Variants in CCDC78 observed in about 807,000 individuals in gnomAD.
CCDC78 encodes the protein coiled-coil domain containing 78, also known as coiled-coil domain-containing protein 78.
A neutral mutation model predicts 61.9 loss-of-function variants in CCDC78; 78 were observed. The ratio of observed to expected loss-of-function variants is 1.26; its 90% CI spans 1.05 to 1.52. The LOEUF (loss-of-function observed/expected upper bound fraction) is 1.52. Among genes scored for constraint, CCDC78 ranks in the 40% most tolerant of loss-of-function variants. The pLI is 0.00. For synonymous variants in CCDC78, 287 were observed against 251.9 expected, an observed-to-expected ratio of 1.14 and a Z score of -1.32; for missense variants, 737 against 615.5, an observed-to-expected ratio of 1.20 and a Z score of -2.09.
intron 1 of CCDC78, 93 bp downstream of exon 1, chr16:726,215 G>A (rs2151577435): frequency 6.5e-7 from 1 of 1,550,294 alleles, no homozygotes; most frequent in Non-Finnish European, 8.7e-7. Context: ...CTGAAATTAG[G>A]CCCAGGGTGC....
chr16:726,293 TC>T lies in CCDC78; in HGVS notation c.60+14del. 1.3e-6 allele frequency: 2 copies of T among 1,549,082 alleles called. No individual in the cohort carries two copies. Among genetic ancestry groups the T allele is most frequent in the African/African-American group, 2.7e-5 (2 of 73,092 alleles). ...TCAACCCCATGGCAGGAGCGGCAAG[TC>T]CCAGAGGACTCACATTCTCCACCCG... On this transcript the variant is annotated intron_variant, in intron 1 of 13. Coordinates refer to ENST00000345165, the MANE Select transcript of CCDC78 (RefSeq NM_001378030.1).
At chr16:726,282 G>T (rs1482994989) in intron 1 of CCDC78, 26 bp downstream of exon 1, 1 of 1,549,452 alleles carries the variant, frequency 6.5e-7, no homozygotes, top group Non-Finnish European at 8.7e-7. Context: ...CCCCATGGCA[G>T]GAGCGGCAAG....
upstream of CCDC78, chr16:726,601 C>T: frequency 1.7e-6 from 1 of 592,294 alleles, no homozygotes; most frequent in Non-Finnish European, 3.0e-6. Flanking sequence ...CGGCCCAGCG[C>T]CCCCTGCACA....
Position 725,839 on chromosome 16 carries a change from G to A in CCDC78, c.222C>T (p.His74=). The A allele has an allele frequency of 8.1e-6, 13 of 1,611,598 alleles. No individual in the cohort carries two copies. Among genetic ancestry groups the A allele is most frequent in the Non-Finnish European group, 1.1e-5 (13 of 1,179,068 alleles). ...ELVDIQITTH[H]LHEQHEAEIF... ...TTTCAGCCTCATGCTGCTCATGTAG[G>A]TGGTGGGTTGTGATCTGAATGTCGA... is the stretch of plus-strand genomic sequence containing the variant. The change falls in exon 3 of 14, where the codon CAC becomes CAT. Residue 74 remains histidine (H), a synonymous_variant. Coordinates refer to ENST00000345165, the MANE Select transcript of CCDC78 (RefSeq NM_001378030.1).
chr16:725,750 C>T, intron 3 of CCDC78, 44 bp downstream of exon 3: 1 of 1,579,892 alleles, frequency 6.3e-7, no homozygotes, highest in Non-Finnish European at 8.6e-7. Context: ...GGGCCTGCAC[C>T]CCCCGTCCCC....
chr16:726,762 C>T (rs1206432226), upstream of CCDC78: 2 of 286,034 alleles, frequency 7.0e-6, no homozygotes, highest in Non-Finnish European at 1.4e-5. Context: ...GGCTGAGCCC[C>T]GGGACGGGGG....
At chr16:723,303 C>G (rs770939171) in intron 11 of CCDC78, 142 bp from the exon 12 acceptor site, 3 of 919,308 alleles carry the variant, frequency 3.3e-6, no homozygotes, top group Non-Finnish European at 1.7e-6. Flanking sequence ...CCCCCCCGTG[C>G]TCCTGTGGCG....
In CCDC78 at chr16:723,144, G is replaced by A. The variant is rs766201712; in HGVS notation, c.1151C>T (p.Ser384Phe). Reference protein sequence around the residue: ...TSEPQGLDAASWAQIHQKLRD... With the variant: ...TSEPQGLDAAFWAQIHQKLRD... ...GAGCTTCTGGTGGATCTGGGCCCAG[G>A]ATGCAGCGTCCAGGCCCCTGTGAGG... is the stretch of plus-strand genomic sequence containing the variant. The change falls in exon 12 of 14, where the codon TCC becomes TTC. Residue 384 changes from serine to phenylalanine, a missense_variant. By Grantham distance (155) the Ser-to-Phe change is radical. Coordinates refer to ENST00000345165, the MANE Select transcript of CCDC78 (RefSeq NM_001378030.1). 2 of 1,612,664 alleles carry A rather than the reference G, an allele frequency of 1.2e-6. No homozygotes were observed. Among genetic ancestry groups the A allele is most frequent in the East Asian group, 2.2e-5 (1 of 44,888 alleles).
rs766085711 is a variant in CCDC78, at chr16:723,176, G to C, written c.1134-15C>G. 1.7e-5 allele frequency: 27 copies of C among 1,611,940 alleles called. No homozygotes were observed. Among genetic ancestry groups the C allele is most frequent in the Non-Finnish European group, 2.3e-5 (27 of 1,179,792 alleles). ...CGTCCAGGCCCCTGTGAGGGGAGAG[G>C]AAAGGAGGAGTGGTTTTGAGAGCTG... On this transcript the variant is annotated splice_polypyrimidine_tract_variant and intron_variant, in intron 11 of 13. Transcript: ENST00000345165.
At chr16:724,532 G>T in intron 8 of CCDC78, 23 bp from the exon 9 acceptor site, 1 of 1,581,620 alleles carries the variant, frequency 6.3e-7, no homozygotes, top group Non-Finnish European at 8.5e-7. Context: ...GGCTGGGTCC[G>T]CATGGGGCCC....
Position 725,832 on chromosome 16 carries a change from C to T in CCDC78, c.229G>A (p.Glu77Lys), listed in dbSNP as rs752590087. 1.1e-5 allele frequency: 18 copies of T among 1,611,144 alleles called. No homozygotes were observed. Among genetic ancestry groups the T allele is most frequent in the Non-Finnish European group, 1.5e-5 (18 of 1,178,922 alleles). Reference protein sequence around the residue: ...DIQITTHHLHEQHEAEIFQLK... With the variant: ...DIQITTHHLHKQHEAEIFQLK... ...TGGAAGATTTCAGCCTCATGCTGCT[C>T]ATGTAGGTGGTGGGTTGTGATCTGA... The change falls in exon 3 of 14, where the codon GAG becomes AAG. Residue 77 changes from glutamate (E) to lysine (K), a missense_variant. Physicochemically the swap from Glu to Lys is moderately conservative, Grantham distance 56. Coordinates refer to ENST00000345165, the MANE Select transcript of CCDC78 (RefSeq NM_001378030.1).
chr16:723,871 T>TC lies in CCDC78; in HGVS notation c.1118dup (p.Thr374AsnfsTer45), dbSNP rs1567315083. ...AGGGCACTCACTGTGGCTCTGATGT[T>TC]CCCCCCTGGGAGGCTCCACCGGGTC... is the stretch of plus-strand genomic sequence containing the variant. On this transcript the variant is annotated frameshift_variant, in exon 11 of 14. Coordinates refer to ENST00000345165, the MANE Select transcript of CCDC78 (RefSeq NM_001378030.1). LOFTEE classifies it high-confidence loss of function. 3.8e-6 allele frequency: 6 copies of TC among 1,592,464 alleles called. No individual in the cohort carries two copies. The highest frequency in any genetic ancestry group is 2.3e-5 in the East Asian group (1 of 43,854).
At chr16:725,381 C>T (rs1189665040) in intron 4 of CCDC78, 32 bp downstream of exon 4, 2 of 1,611,854 alleles carry the variant, frequency 1.2e-6, no homozygotes, top group Non-Finnish European at 8.5e-7. Context: ...TCTGGCCTTT[C>T]CCAGCCAGGC....
In CCDC78 at chr16:726,089, G is replaced by T. The variant is rs1227878128; in HGVS notation, c.61-4C>A. 7.7e-6 allele frequency: 12 copies of T among 1,549,008 alleles called. No homozygotes were observed. Among genetic ancestry groups the T allele is most frequent in the Non-Finnish European group, 9.6e-6 (11 of 1,146,688 alleles). ...AGTCCTTGGCTCGTAGCACAACCTGGGGAGGTACCGCCACCCATTCCCCAG... is the reference window on the plus strand; with the variant it reads ...AGTCCTTGGCTCGTAGCACAACCTGTGGAGGTACCGCCACCCATTCCCCAG... On this transcript the variant is annotated splice_region_variant and splice_polypyrimidine_tract_variant and intron_variant, in intron 1 of 13. Coordinates refer to ENST00000345165, the MANE Select transcript of CCDC78 (RefSeq NM_001378030.1).
intron 10 of CCDC78, 71 bp downstream of exon 10, chr16:724,035 G>C: frequency 1.3e-6 from 2 of 1,569,806 alleles, no homozygotes; most frequent in Admixed American, 3.5e-5. Context: ...GATGAGGCCT[G>C]GGGCCAGTGT....
At position 724,188 on chromosome 16, in the gene CCDC78, TG is replaced by T. The variant is rs1384164328; in HGVS notation, c.970del (p.Gln324LysfsTer6). 1.2e-6 allele frequency: 2 copies of T among 1,600,396 alleles called. No individual in the cohort carries two copies. Among genetic ancestry groups the T allele is most frequent in the Non-Finnish European group, 8.5e-7 (1 of 1,173,244 alleles). On this transcript the variant is annotated frameshift_variant, in exon 10 of 14. Transcript: ENST00000345165. LOFTEE classifies it high-confidence loss of function. ...LVAYRAPGNP[Q>X]AIFDIASLDL... ...CAAGCTGGCTATGTCAAAAATAGCT[TG>T]GGGGTTCCCAGGTGCCCTGTCAGGG...
intron 1 of CCDC78, 106 bp from the exon 2 acceptor site, chr16:726,191 A>G (rs1202138826): frequency 6.4e-7 from 1 of 1,550,394 alleles, no homozygotes; most frequent in Admixed American, 2.0e-5. Flanking sequence ...GAGCTGTAAA[A>G]GTCCCTCTCC....
At chr16:722,859 G>T in intron 13 of CCDC78, 63 bp downstream of exon 13, 1 of 1,607,476 alleles carries the variant, frequency 6.2e-7, no homozygotes. Context: ...GCCTGAGGCA[G>T]CCATCATCCT....
chr16:722,769 C>A lies in CCDC78; in HGVS notation c.1322G>T (p.Arg441Met). 1 of 1,612,638 alleles carries A rather than the reference C, an allele frequency of 6.2e-7. No homozygotes were observed. The highest frequency in any genetic ancestry group is 8.5e-7 in the Non-Finnish European group (1 of 1,179,982). The change falls in exon 14 of 14, where the codon AGG becomes ATG. Residue 441 changes from arginine (R) to methionine (M), a missense_variant. Arg to Met is a moderately conservative substitution (Grantham distance 91, BLOSUM62 -1). Coordinates refer to ENST00000345165, the MANE Select transcript of CCDC78 (RefSeq NM_001378030.1). The part of the protein sequence containing the change: ...HLGRYKHEIL[R>M]LRKLAGAGDP... ...CCCTGCACCTGCCAGCTTCCTCAGC[C>A]TCAGGATTTCGTGCTTGTACCTGCT...
Sources: allele counts gnomAD v4.1 joint callset, GRCh38; gene constraint gnomAD v4.1.1; transcripts MANE v1.5; gene names NCBI Gene and HGNC (gene_info 2026-07-23, HGNC 2026-07-21).